Variants in PELI2 observed in about 807,000 individuals in gnomAD.
PELI2 encodes pellino E3 ubiquitin protein ligase family member 2.
In PELI2, 23 loss-of-function variants were observed where a neutral mutation model predicts 42.3. The observed-to-expected ratio is 0.54, with a 90% CI of 0.39 to 0.77. PELI2 has a LOEUF of 0.77. Among genes scored for constraint, PELI2 ranks in the 30% least tolerant of loss-of-function variants. PELI2 has a pLI of 0.00. For synonymous variants in PELI2, 245 were observed against 212.2 expected (o/e 1.15, Z -1.34); for missense variants, 463 against 553.2 (o/e 0.84, Z 1.64).
At chr14:56,151,579 C>T (rs1884359978) in intron 1 of PELI2, among the ~76,000 whole-genome samples, 1 of 152,194 alleles carries the variant, frequency 6.6e-6, no homozygotes, top group African/African-American at 2.4e-5. Flanking sequence ...AGCTCTGCTG[C>T]TGCGTAGCTC....
intron 2 of PELI2, among the ~76,000 whole-genome samples, chr14:56,252,269 C>A (rs1264775936): frequency 2.0e-5 from 3 of 152,148 alleles, no homozygotes; most frequent in Non-Finnish European, 1.5e-5. Context: ...GTAGCACACT[C>A]CTGTTTTAGA....
intron 2 of PELI2, among the ~76,000 whole-genome samples, chr14:56,234,779 G>C (rs1010999930): frequency 2.0e-5 from 3 of 152,068 alleles, no homozygotes; most frequent in African/African-American, 7.2e-5. Context: ...GTGAAGCCTG[G>C]TGAGGCCTGT....
intron 2 of PELI2, among the ~76,000 whole-genome samples, chr14:56,274,624 A>G (rs1889225151): frequency 6.6e-6 from 1 of 152,192 alleles, no homozygotes; most frequent in Middle Eastern, 3.2e-3. Context: ...TAGAGTCTGG[A>G]GACTCACAAA....
At chr14:56,183,089 G>T (rs1205880393) in intron 2 of PELI2, among the ~76,000 whole-genome samples, 1 of 151,974 alleles carries the variant, frequency 6.6e-6, no homozygotes, top group Non-Finnish European at 1.5e-5. Context: ...TATAACTCTT[G>T]GATTGGTCGT....
intron 1 of PELI2, among the ~76,000 whole-genome samples, chr14:56,161,801 T>G (rs1884774640): frequency 6.6e-6 from 1 of 152,200 alleles, no homozygotes; most frequent in Non-Finnish European, 1.5e-5. Flanking sequence ...GAATGGGGAC[T>G]TGAATCTATT....
At chr14:56,130,302 G>A (rs1883437581) in intron 1 of PELI2, among the ~76,000 whole-genome samples, 1 of 152,200 alleles carries the variant, frequency 6.6e-6, no homozygotes. Context: ...TTTTATGCAT[G>A]AAACTGAGTC....
rs375552622 is a variant in PELI2, at chr14:56,288,908, G to A, written c.507+274G>A. 6.6e-6 allele frequency among the ~76,000 whole-genome samples: 1 copy of A among 151,808 alleles called. No individual in the cohort carries two copies. The highest frequency in any genetic ancestry group is 6.6e-5 in the Admixed American group (1 of 15,242). On this transcript the variant is annotated intron_variant, in intron 4 of 5. Transcript: ENST00000267460. The surrounding 1 kb of genome is among the most constrained non-coding windows in gnomAD (Gnocchi z 4.6). ...ATAACATTGTCCATAATGTATTTACGGCAACGAAGAGGTTTATTTCAGAGA... is the reference window on the plus strand; with the variant it reads ...ATAACATTGTCCATAATGTATTTACAGCAACGAAGAGGTTTATTTCAGAGA...
At chr14:56,153,505 C>T (rs999730292) in intron 1 of PELI2, among the ~76,000 whole-genome samples, 1 of 152,174 alleles carries the variant, frequency 6.6e-6, no homozygotes, top group African/African-American at 2.4e-5. Context: ...TGATCCAAGA[C>T]AAACTTTTCA....
chr14:56,290,816 A>C (rs1447731080), intron 5 of PELI2, among the ~76,000 whole-genome samples: 2 of 152,222 alleles, frequency 1.3e-5, no homozygotes. Context: ...AGCAGTCCAA[A>C]AACAATTAGT....
intron 2 of PELI2, among the ~76,000 whole-genome samples, chr14:56,278,778 A>G (rs1275062466): frequency 6.6e-6 from 1 of 152,210 alleles, no homozygotes; most frequent in Admixed American, 6.5e-5. Context: ...ATACAGTGTC[A>G]TCATTCAATA....
intron 2 of PELI2, among the ~76,000 whole-genome samples, chr14:56,194,104 C>G (rs553094678): frequency 6.6e-6 from 1 of 152,038 alleles, no homozygotes; most frequent in Non-Finnish European, 1.5e-5. Flanking sequence ...TGGACTTGTA[C>G]GTCGTAGGAA....
intron 2 of PELI2, among the ~76,000 whole-genome samples, chr14:56,198,557 T>C (rs1219958840): frequency 2.6e-5 from 4 of 152,288 alleles, no homozygotes; most frequent in South Asian, 2.1e-4. Flanking sequence ...CTATGGTGGC[T>C]AAGGCAAATC....
chr14:56,281,140 A>C (rs1000457578), intron 3 of PELI2, among the ~76,000 whole-genome samples: 1 of 152,132 alleles, frequency 6.6e-6, no homozygotes, highest in Non-Finnish European at 1.5e-5. Context: ...GCTCAGACCA[A>C]TTGACCCAGT....
chr14:56,234,140 G>A (rs1053344860), intron 2 of PELI2, among the ~76,000 whole-genome samples: 2 of 152,148 alleles, frequency 1.3e-5, no homozygotes, highest in Non-Finnish European at 2.9e-5. Flanking sequence ...GGAACACTTT[G>A]ACACTGTTGG....
intron 1 of PELI2, among the ~76,000 whole-genome samples, chr14:56,150,813 A>C (rs571165975): frequency 6.6e-6 from 1 of 152,164 alleles, no homozygotes; most frequent in Admixed American, 6.5e-5. Flanking sequence ...GCTGTGCTCC[A>C]TCCACTTGGG....
At chr14:56,161,021 A>C (rs986174670) in intron 1 of PELI2, among the ~76,000 whole-genome samples, 3 of 152,180 alleles carry the variant, frequency 2.0e-5, no homozygotes, top group Middle Eastern at 3.2e-3. Flanking sequence ...GGGATTATGC[A>C]AAGAAATATG....
intron 2 of PELI2, among the ~76,000 whole-genome samples, chr14:56,201,658 A>G (rs1886337101): frequency 6.6e-6 from 1 of 152,230 alleles, no homozygotes; most frequent in Non-Finnish European, 1.5e-5. Flanking sequence ...ATTGCAAAAT[A>G]TGGTGAACTG....
At chr14:56,254,119 G>A (rs1888443942) in intron 2 of PELI2, among the ~76,000 whole-genome samples, 1 of 152,164 alleles carries the variant, frequency 6.6e-6, no homozygotes, top group Admixed American at 6.5e-5. Context: ...AAATGATGTT[G>A]GCCAGGCGTG....
At chr14:56,283,494 T>C (rs138795216) in intron 3 of PELI2, among the ~76,000 whole-genome samples, 1 of 152,326 alleles carries the variant, frequency 6.6e-6, no homozygotes, top group East Asian at 1.9e-4. Flanking sequence ...AACGTCTTTG[T>C]ATTATTATGA....
Sources: allele counts gnomAD v4.1 joint callset (sites outside exome capture counted in the v4.1 genomes callset), GRCh38; gene constraint gnomAD v4.1.1; non-coding constraint Gnocchi (gnomAD v3.1); transcripts MANE v1.5; gene names NCBI Gene and HGNC (gene_info 2026-07-23, HGNC 2026-07-21).